ANKRD50: variants seen among roughly 807,000 people sequenced by gnomAD.
ANKRD50 encodes ankyrin repeat domain 50.
Under a neutral mutation model 112.0 loss-of-function variants are expected in ANKRD50, and 40 were observed. The observed-to-expected ratio is 0.36, with a 90% CI of 0.28 to 0.46. The LOEUF is 0.46. Among genes scored for constraint, ANKRD50 ranks in the 20% least tolerant of loss-of-function variants. The probability of loss-of-function intolerance (pLI) is 1.00; values close to 1 mark genes in which losing one functional copy is unlikely to be tolerated. For missense variants in ANKRD50, 1,487 were observed against 1,701.7 expected (o/e 0.87, Z 2.22); for synonymous variants, 613 against 619.1 (o/e 0.99, Z 0.15).
In ANKRD50 at chr4:124,710,141, C is replaced by G; in HGVS notation, c.371G>C (p.Gly124Ala). The G allele has an allele frequency of 6.2e-7, 1 of 1,614,198 alleles. No homozygotes were observed. Among genetic ancestry groups the G allele is most frequent in the Non-Finnish European group, 8.5e-7 (1 of 1,180,048 alleles). Residue 124 changes from glycine (G) to alanine (A), a missense_variant, in exon 2 of 5, where the codon GGA (glycine) becomes GCA (alanine). By Grantham distance (60) the Gly-to-Ala change is moderately conservative. Coordinates refer to ENST00000504087, the MANE Select transcript of ANKRD50 (RefSeq NM_020337.3). ...GGCTACTAGACCTCTAATAAACCCT[C>G]CAACACACAAAGTATCAGAGTCCTG... ...KAQDSDTLCVGGFIRGLVAQI... is the reference protein window; with the variant it reads ...KAQDSDTLCVAGFIRGLVAQI...
In ANKRD50 at chr4:124,670,119, G is replaced by A. The variant is rs753145762; in HGVS notation, c.3158C>T (p.Ala1053Val). The change falls in exon 4 of 5, where the codon GCC (alanine) becomes GTC (valine). Residue 1053 changes from alanine to valine, a missense_variant. Physicochemically the swap from Ala to Val is moderately conservative, Grantham distance 64 (BLOSUM62 0). This residue lies in a region of ANKRD50 where 1,046 missense variants were observed against 1,269.5 expected (regional missense o/e 0.82). Coordinates refer to ENST00000504087, the MANE Select transcript of ANKRD50 (RefSeq NM_020337.3). ...NQGATALCIA[A>V]QEGHIDVVQV... ...AACAACATCAATGTGCCCTTCCTGG[G>A]CTGCAATACAGAGTGCAGTTGCACC... is the stretch of plus-strand genomic sequence containing the variant. 1.2e-6 allele frequency: 2 copies of A among 1,613,146 alleles called. No individual in the cohort carries two copies. Among genetic ancestry groups the A allele is most frequent in the Admixed American group, 3.3e-5 (2 of 59,784 alleles).
intron 2 of ANKRD50, among the ~76,000 whole-genome samples, chr4:124,685,789 T>TA (rs1177738800): frequency 6.8e-6 from 1 of 146,520 alleles, no homozygotes; most frequent in African/African-American, 2.5e-5. Context: ...ATCCTAGAGT[T>TA]AGTTTTTCCC....
chr4:124,692,686 G>A (rs1416695136), intron 2 of ANKRD50, among the ~76,000 whole-genome samples: 1 of 152,094 alleles, frequency 6.6e-6, no homozygotes, highest in African/African-American at 2.4e-5. Context: ...ACCATGCGAT[G>A]ACAAAATACA....
At chr4:124,682,233 G>A (rs976247852) in intron 2 of ANKRD50, among the ~76,000 whole-genome samples, 2 of 149,786 alleles carry the variant, frequency 1.3e-5, no homozygotes, top group African/African-American at 2.5e-5. Context: ...GGAGAATGGC[G>A]TGAACCCGGG....
chr4:124,683,630 T>G (rs1302530091), intron 2 of ANKRD50, among the ~76,000 whole-genome samples: 2 of 151,870 alleles, frequency 1.3e-5, no homozygotes, highest in Non-Finnish European at 2.9e-5. Context: ...TTAAATTGTG[T>G]TTTCATACAC....
At chr4:124,668,836 T>G in intron 4 of ANKRD50, 148 bp downstream of exon 4, 1 of 651,632 alleles carries the variant, frequency 1.5e-6, no homozygotes, top group South Asian at 2.2e-5. Context: ...AGAATTCTGA[T>G]GTAAAGGGGT....
intron 2 of ANKRD50, among the ~76,000 whole-genome samples, chr4:124,688,509 GA>G (rs1725056633): frequency 6.6e-6 from 1 of 152,100 alleles, no homozygotes; most frequent in Admixed American, 6.5e-5. Flanking sequence ...TTTACTGTAT[GA>G]AAAATGAAAA....
chr4:124,678,415 C>T (rs142139705), intron 3 of ANKRD50, among the ~76,000 whole-genome samples: 286 of 151,762 alleles, frequency 1.9e-3, no homozygotes, highest in Non-Finnish European at 3.3e-3. Context: ...AAATGCAGCC[C>T]CAAGATGTAT....
chr4:124,672,038 C>T lies in ANKRD50; in HGVS notation c.1239G>A (p.Glu413=), dbSNP rs1219609205. 1.9e-6 allele frequency: 3 copies of T among 1,613,786 alleles called. No homozygotes were observed. The highest frequency in any genetic ancestry group is 2.2e-5 in the East Asian group (1 of 44,868). ...TACAGTGTTTCACATCCAGAAGCCA[C>T]TCGGCAAAACTATAATGAAACAGTA... ...TKILFHYSFA[E]WLLDVKHCTQ... The change falls in exon 4 of 5, where the codon GAG becomes GAA. Residue 413 remains glutamate (E), a synonymous_variant. Coordinates refer to ENST00000504087, the MANE Select transcript of ANKRD50 (RefSeq NM_020337.3).
rs1236842600 is a variant in ANKRD50, at chr4:124,669,951, G to C, written c.3326C>G (p.Ser1109Cys). ...CTCCATTGTGTGAACAGGAGATGGGGAACAGCCATTCAAACTAGATGCACC... is the reference window on the plus strand; with the variant it reads ...CTCCATTGTGTGAACAGGAGATGGGCAACAGCCATTCAAACTAGATGCACC... ...KYGASSLNGC[S>C]PSPVHTMEQK... The change falls in exon 4 of 5, where the codon TCC becomes TGC. Residue 1109 changes from serine to cysteine, a missense_variant. Ser to Cys is a moderately radical substitution (Grantham distance 112). Around this residue, in one of 2 missense-constraint regions of ANKRD50, gnomAD observed 441 missense variants for 432.2 expected, o/e 1.02. Coordinates refer to ENST00000504087, the MANE Select transcript of ANKRD50 (RefSeq NM_020337.3). 3 of 1,612,138 alleles carry C rather than the reference G, an allele frequency of 1.9e-6. No homozygotes were observed. The highest frequency in any genetic ancestry group is 1.3e-5 in the African/African-American group (1 of 74,722).
intron 3 of ANKRD50, among the ~76,000 whole-genome samples, chr4:124,676,250 T>G (rs1730771171): frequency 1.3e-5 from 2 of 151,698 alleles, no homozygotes; most frequent in South Asian, 4.1e-4. Flanking sequence ...AAATTGCAAT[T>G]TTATCAAAAT....
chr4:124,672,203 A>T lies in ANKRD50; in HGVS notation c.1074T>A (p.Leu358=), dbSNP rs543454740. 2 of 1,613,886 alleles carry T rather than the reference A, an allele frequency of 1.2e-6. No homozygotes were observed. The highest frequency in any genetic ancestry group is 2.2e-5 in the South Asian group (2 of 91,076). Residue 358 remains leucine (L), a synonymous_variant, in exon 4 of 5, where the codon CTT becomes CTA. Coordinates refer to ENST00000504087, the MANE Select transcript of ANKRD50 (RefSeq NM_020337.3). ...AKVQPILNVI[L]AACRPLTITE... ...TTATGGTCAAAGGTCGGCAGGCTGC[A>T]AGAATCACATTCAAAATAGGCTGAA...
At position 124,670,937 on chromosome 4, in the gene ANKRD50, A is replaced by T. The variant is rs142676954; in HGVS notation, c.2340T>A (p.Asn780Lys). The change falls in exon 4 of 5, where the codon AAT becomes AAA. Residue 780 changes from asparagine (N) to lysine (K), a missense_variant. Physicochemically the swap from Asn to Lys is moderately conservative, Grantham distance 94 (BLOSUM62 0). This residue lies in a region of ANKRD50 where 1,046 missense variants were observed against 1,269.5 expected (regional missense o/e 0.82). Coordinates refer to ENST00000504087, the MANE Select transcript of ANKRD50 (RefSeq NM_020337.3). The stretch of plus-strand genomic sequence containing the variant: ...CTGCTGCTAAGAGGGGTGTACGGCC[A>T]TTGTTATCTGTGTGATCTACATCTG... ...GGADVDHTDNNGRTPLLAAAS... is the reference protein window; with the variant it reads ...GGADVDHTDNKGRTPLLAAAS... 6 of 1,613,858 alleles carry T rather than the reference A, an allele frequency of 3.7e-6. No homozygotes were observed. The highest frequency in any genetic ancestry group is 5.1e-6 in the Non-Finnish European group (6 of 1,179,880).
chr4:124,690,237 A>C (rs28716057), intron 2 of ANKRD50, among the ~76,000 whole-genome samples: 1,541 of 152,338 alleles, frequency 0.01, 32 homozygotes, highest in African/African-American at 0.035. Flanking sequence ...GTAACAATGA[A>C]TACTCAACAT....
rs936103922 is a variant in ANKRD50, at chr4:124,664,329, A to G, written c.*3189T>C. 1 of 152,002 alleles carries G rather than the reference A, an allele frequency of 6.6e-6. No individual in the cohort carries two copies. The highest frequency in any genetic ancestry group is 1.5e-5 in the Non-Finnish European group (1 of 67,918). The allele number at this position is 152,002 out of a possible 1,614,324, so 9.4% of individuals were successfully genotyped here. ...TTTGTTTTTCTACCTTCCTTTGGAC[A>G]GTGTTATATTTCACTTTCTTCTTTG... On this transcript the variant is annotated 3_prime_UTR_variant, in exon 5 of 5. Transcript: ENST00000504087.
intron 2 of ANKRD50, among the ~76,000 whole-genome samples, chr4:124,687,586 A>G (rs1725037625): frequency 6.6e-6 from 1 of 152,204 alleles, no homozygotes. Flanking sequence ...ATGAAAAGAA[A>G]AGCTGAAGAC....
chr4:124,698,908 G>C (rs552901740), intron 2 of ANKRD50, among the ~76,000 whole-genome samples: 1 of 152,142 alleles, frequency 6.6e-6, no homozygotes, highest in East Asian at 1.9e-4. Flanking sequence ...CCAGTGTACA[G>C]ACTGAACACA....
At chr4:124,673,319 T>G (rs1350226782) in intron 3 of ANKRD50, among the ~76,000 whole-genome samples, 1 of 152,118 alleles carries the variant, frequency 6.6e-6, no homozygotes, top group Non-Finnish European at 1.5e-5. Flanking sequence ...CAATTGTGTA[T>G]TCATCTTACA....
intron 3 of ANKRD50, 54 bp from the exon 4 acceptor site, chr4:124,672,588 A>ACCATATCT: frequency 1.6e-6 from 2 of 1,252,680 alleles, no homozygotes; most frequent in Non-Finnish European, 2.2e-6. Flanking sequence ...TTATAGAAGT[A>ACCATATCT]CCATATCTTC....
Sources: gnomAD v4.1 joint callset for allele counts (sites outside exome capture counted in the v4.1 genomes callset) on GRCh38, gnomAD v4.1.1 for gene constraint, gnomAD v4.1.1 regional missense constraint, MANE v1.5 for transcripts, NCBI Gene and HGNC (gene_info 2026-07-23, HGNC 2026-07-21) for gene names.